PCDHAC1: variants seen among roughly 807,000 people sequenced by gnomAD.
PCDHAC1 encodes protocadherin alpha-C1.
Under a neutral mutation model 60.0 loss-of-function variants are expected in PCDHAC1, and 42 were observed. The observed-to-expected ratio is 0.70, with a 90% confidence interval of 0.55 to 0.90. The LOEUF (loss-of-function observed/expected upper bound fraction) is 0.90. PCDHAC1 is among the 40% of genes least tolerant of loss of function. The pLI is 0.00. For synonymous variants in PCDHAC1, 468 were observed against 499.3 expected (o/e 0.94, Z 0.84); for missense variants, 1,160 against 1,222.3 (o/e 0.95, Z 0.76).
chr5:140,967,665 C>A, intron 1 of PCDHAC1: 1 of 1,614,154 alleles, frequency 6.2e-7, no homozygotes, highest in Non-Finnish European at 8.5e-7. Context: ...AGCAGCTACA[C>A]GTCGGACCGG....
At position 140,928,076 on chromosome 5, in the gene PCDHAC1, A is replaced by G. The variant is rs2084914697; in HGVS notation, c.1184A>G (p.Tyr395Cys). ...FQLTASFDNY[Y>C]SLLIDGPLDR... is the part of the protein sequence containing the mutation. The stretch of plus-strand genomic sequence containing the variant: ...CTGACGGCTTCCTTTGACAACTACT[A>G]CAGCCTGCTGATTGATGGGCCCCTG... The change falls in exon 1 of 4, where the codon TAC (tyrosine) becomes TGC (cysteine). Residue 395 changes from tyrosine to cysteine, a missense_variant. Transcript: ENST00000253807. The G allele has an allele frequency of 6.2e-7, 1 of 1,614,142 alleles. No individual in the cohort carries two copies.
intron 1 of PCDHAC1, among the ~76,000 whole-genome samples, chr5:140,963,229 G>A (rs1211084766): frequency 2.6e-5 from 4 of 152,134 alleles, no homozygotes; most frequent in African/African-American, 7.2e-5. Context: ...AGTAGACACT[G>A]TTTGATGGAT....
At chr5:140,982,312 T>C in intron 2 of PCDHAC1, 163 bp from the exon 3 acceptor site, 1 of 1,315,948 alleles carries the variant, frequency 7.6e-7, no homozygotes, top group Non-Finnish European at 1.0e-6. Context: ...TTCTGCAGTT[T>C]ATGCAGGGTG....
At chr5:141,003,181 C>T (rs564008062) in intron 3 of PCDHAC1, among the ~76,000 whole-genome samples, 8 of 152,328 alleles carry the variant, frequency 5.3e-5, no homozygotes, top group African/African-American at 1.7e-4. Flanking sequence ...AGGCTCAACT[C>T]CATCAACTCA....
At chr5:140,987,982 C>T (rs781838400) in intron 3 of PCDHAC1, among the ~76,000 whole-genome samples, 16 of 152,206 alleles carry the variant, frequency 1.1e-4, no homozygotes, top group Non-Finnish European at 1.5e-4. Flanking sequence ...TCCATGGAGA[C>T]TCCATCTCTG....
chr5:140,993,528 A>T lies in PCDHAC1; in HGVS notation c.2581+10965A>T, dbSNP rs78672098. On this transcript the variant is annotated intron_variant, in intron 3 of 3. Transcript: ENST00000253807. ...CACACACGGGGAGAGAGAGACAGAG[A>T]GAGAGAGAGATAGAGAAGTGAAGTA... Among the ~76,000 whole-genome samples the T allele has an allele frequency of 6.6e-5, 10 of 152,092 alleles. No individual in the cohort carries two copies. In the East Asian group the frequency reaches 1.2e-3, roughly 18 times the overall value.
At chr5:140,944,966 C>A (rs1554216639) in intron 1 of PCDHAC1, among the ~76,000 whole-genome samples, 1 of 152,080 alleles carries the variant, frequency 6.6e-6, no homozygotes, top group Non-Finnish European at 1.5e-5. Context: ...ATTATCTTAA[C>A]CTCTCTGGTG....
chr5:140,982,634 T>C, intron 3 of PCDHAC1, 71 bp downstream of exon 3: 1 of 1,555,420 alleles, frequency 6.4e-7, no homozygotes, highest in Non-Finnish European at 8.7e-7. Flanking sequence ...TTTTGTAAGA[T>C]CAGGAATGTT....
chr5:140,965,496 A>ATT lies in PCDHAC1; in HGVS notation c.2434-13439_2434-13438dup, dbSNP rs71766133. On this transcript the variant is annotated intron_variant, in intron 1 of 3. Coordinates refer to ENST00000253807, the MANE Select transcript of PCDHAC1 (RefSeq NM_018898.5). Reference sequence around the variant, plus strand: ...CCCACATTTTGCTTAATGACAGCAGATTTTTTTTTTTTTTTAACTGCAAAG... The same window carrying ATT: ...CCCACATTTTGCTTAATGACAGCAGATTTTTTTTTTTTTTTTTAACTGCAAAG... Among the ~76,000 whole-genome samples the ATT allele has an allele frequency of 3.3e-3, 482 of 146,482 alleles. 3 individuals are homozygous for ATT. The highest frequency in any genetic ancestry group is 0.011 in the African/African-American group (455 of 40,032).
rs782316296 is a variant in PCDHAC1 at position 140,927,382 on chromosome 5, AG to A, written c.491del (p.Ser164ThrfsTer109). Reference protein sequence around the residue: ...GSNGILSYSLSPSQHFRLDMG... With the variant: ...GSNGILSYSLXPSQHFRLDMG... Reference sequence around the variant, plus strand: ...CAATGGGATACTAAGCTACAGCCTAAGCCCCAGTCAGCACTTTCGCCTGGAC... The same window carrying A: ...CAATGGGATACTAAGCTACAGCCTAACCCCAGTCAGCACTTTCGCCTGGAC... On this transcript the variant is annotated frameshift_variant, in exon 1 of 4. Coordinates refer to ENST00000253807, the MANE Select transcript of PCDHAC1 (RefSeq NM_018898.5). LOFTEE classifies it high-confidence loss of function. 6 of 1,614,012 alleles carry A rather than the reference AG, an allele frequency of 3.7e-6. No homozygotes were observed. The African/African-American group carries it at 8.0e-5, about 22-fold the overall frequency.
chr5:140,957,594 A>C (rs2095369947), intron 1 of PCDHAC1, among the ~76,000 whole-genome samples: 1 of 152,154 alleles, frequency 6.6e-6, no homozygotes, highest in Non-Finnish European at 1.5e-5. Context: ...AGCACTTCCC[A>C]GAATAAACAC....
chr5:141,008,284 GC>G (rs2098367825), intron 3 of PCDHAC1, among the ~76,000 whole-genome samples: 1 of 152,150 alleles, frequency 6.6e-6, no homozygotes, highest in Admixed American at 6.5e-5. Context: ...AATTGAAATA[GC>G]AGTTGTACCC....
In PCDHAC1 at chr5:140,927,400, C is replaced by G. The variant is rs782428365; in HGVS notation, c.508C>G (p.Arg170Gly). ...SYSLSPSQHF[R>G]LDMGSRVDGS... is the part of the protein sequence containing the mutation. ...CAGCCTAAGCCCCAGTCAGCACTTT[C>G]GCCTGGACATGGGATCGCGGGTTGA... Residue 170 changes from arginine (R) to glycine (G), a missense_variant, in exon 1 of 4, where the codon CGC becomes GGC. Coordinates refer to ENST00000253807, the MANE Select transcript of PCDHAC1 (RefSeq NM_018898.5). 6.8e-6 allele frequency: 11 copies of G among 1,614,126 alleles called. No individual in the cohort carries two copies. The highest frequency in any genetic ancestry group is 8.5e-6 in the Non-Finnish European group (10 of 1,179,968).
intron 3 of PCDHAC1, among the ~76,000 whole-genome samples, chr5:141,000,558 G>C (rs1462892656): frequency 6.7e-6 from 1 of 149,136 alleles, no homozygotes; most frequent in African/African-American, 2.5e-5. Context: ...CTCCCGAGTA[G>C]CTGGGATTAC....
chr5:140,943,131 G>T (rs1360196674), intron 1 of PCDHAC1, among the ~76,000 whole-genome samples: 1 of 151,626 alleles, frequency 6.6e-6, no homozygotes, highest in Non-Finnish European at 1.5e-5. Flanking sequence ...GGTAGTGGGT[G>T]CCTGTAGTCC....
intron 3 of PCDHAC1, among the ~76,000 whole-genome samples, chr5:141,006,502 C>T (rs987435396): frequency 1.8e-4 from 28 of 152,118 alleles, no homozygotes; most frequent in African/African-American, 2.9e-4. Context: ...TGTGAGCCAC[C>T]GCGCCTGGCT....
chr5:140,946,611 AATATAT>A (rs1554217734), intron 1 of PCDHAC1, among the ~76,000 whole-genome samples: 5 of 86,812 alleles, frequency 5.8e-5, no homozygotes, highest in African/African-American at 2.5e-4. Context: ...GAAAATGTGA[AATATAT>A]ATATATATAT....
chr5:140,935,230 CTA>C (rs1363291872), intron 1 of PCDHAC1, among the ~76,000 whole-genome samples: 2 of 152,128 alleles, frequency 1.3e-5, no homozygotes, highest in African/African-American at 4.8e-5. Context: ...TAAGGGATGT[CTA>C]TTTTTTAAAA....
intron 1 of PCDHAC1, among the ~76,000 whole-genome samples, chr5:140,970,926 G>A (rs1179837731): frequency 6.6e-6 from 1 of 152,154 alleles, no homozygotes; most frequent in Non-Finnish European, 1.5e-5. Flanking sequence ...AGAAGTGCCT[G>A]GTGTTAGTCA....
Sources: allele counts gnomAD v4.1 joint callset (sites outside exome capture counted in the v4.1 genomes callset), GRCh38; gene constraint gnomAD v4.1.1; transcripts MANE v1.5; gene names NCBI Gene and HGNC (gene_info 2026-07-23, HGNC 2026-07-21).